LMLN: variants seen among roughly 807,000 people sequenced by gnomAD.
LMLN encodes the protein leishmanolysin like peptidase.
Under a neutral mutation model 92.3 loss-of-function variants are expected in LMLN, and 70 were observed. The ratio of observed to expected loss-of-function variants is 0.76; its 90% CI spans 0.63 to 0.92. The LOEUF is 0.92. LMLN is among the 40% of genes least tolerant of loss of function. The probability of loss-of-function intolerance (pLI) is 0.00; values close to 1 mark genes in which losing one functional copy is unlikely to be tolerated. For synonymous variants in LMLN, 308 were observed against 296.2 expected (o/e 1.04, Z -0.41); for missense variants, 691 against 814.6 (o/e 0.85, Z 1.85).
chr3:198,017,085 G>T (rs770707455), intron 11 of LMLN, among the ~76,000 whole-genome samples: 3 of 151,952 alleles, frequency 2.0e-5, no homozygotes, highest in Non-Finnish European at 4.4e-5. Flanking sequence ...TTGTGCCACT[G>T]CACTCCAGCC....
intron 11 of LMLN, among the ~76,000 whole-genome samples, chr3:198,015,909 C>A (rs992768871): frequency 2.0e-5 from 3 of 152,026 alleles, no homozygotes; most frequent in African/African-American, 4.8e-5. Flanking sequence ...AAAAAAAATT[C>A]CCCTGGTGGG....
intron 13 of LMLN, among the ~76,000 whole-genome samples, chr3:198,022,306 A>G (rs1056967921): frequency 6.6e-6 from 1 of 152,236 alleles, no homozygotes; most frequent in African/African-American, 2.4e-5. Flanking sequence ...ATTCTGCAAT[A>G]ATAGTTACAG....
intron 9 of LMLN, 33 bp downstream of exon 9, chr3:197,990,709 C>A: frequency 1.9e-6 from 2 of 1,049,538 alleles, no homozygotes; most frequent in South Asian, 1.3e-5. Context: ...TCTCATGAGC[C>A]ATCTGTTCTT....
chr3:198,020,061 A>G (rs1722739323), intron 12 of LMLN, among the ~76,000 whole-genome samples: 1 of 152,070 alleles, frequency 6.6e-6, no homozygotes, highest in Non-Finnish European at 1.5e-5. Context: ...GGGTTTCGCC[A>G]TGTTGCCCAA....
exon 1 of LMLN, chr3:197,960,418 A>G: frequency 6.2e-7 from 1 of 1,613,818 alleles, no homozygotes; most frequent in South Asian, 1.1e-5. Context: ...CCCTGCCGGC[A>G]CCACGTCCCC....
In LMLN at chr3:197,984,128, A is replaced by T. The variant is rs180714058; in HGVS notation, c.834+80A>T. 1.1e-5 allele frequency: 9 copies of T among 855,784 alleles called. No individual in the cohort carries two copies. In the East Asian group the frequency reaches 2.2e-4, roughly 21 times the overall value. The allele number at this position is 855,784 out of a possible 1,614,324, so 53.0% of individuals were successfully genotyped here. On this transcript the variant is annotated intron_variant, in intron 7 of 15. Coordinates refer to ENST00000330198, the Ensembl canonical transcript of LMLN. Reference sequence around the variant, plus strand: ...GTTCTCATTTTTATACATATATTCCACTTTAAGATGATGTGGATTCCTAGA... The same window carrying T: ...GTTCTCATTTTTATACATATATTCCTCTTTAAGATGATGTGGATTCCTAGA...
chr3:198,036,121 C>T, intron 15 of LMLN, 78 bp downstream of exon 16: 1 of 1,302,652 alleles, frequency 7.7e-7, no homozygotes, highest in South Asian at 1.2e-5. Context: ...TGGCATTTCC[C>T]TTCAAGGAAG....
intron 14 of LMLN, among the ~76,000 whole-genome samples, chr3:198,034,968 G>A (rs1450817485): frequency 6.6e-6 from 1 of 152,212 alleles, no homozygotes; most frequent in East Asian, 1.9e-4. Context: ...GCCAGGGTGG[G>A]TGGATAACTT....
intron 1 of LMLN, among the ~76,000 whole-genome samples, chr3:197,966,320 G>A (rs1581126536): frequency 6.6e-6 from 1 of 152,140 alleles, no homozygotes; most frequent in East Asian, 1.9e-4. Flanking sequence ...GGGATTACAG[G>A]CATGAGCCAC....
intron 1 of LMLN, among the ~76,000 whole-genome samples, chr3:197,962,429 C>A (rs937740834): frequency 6.6e-6 from 1 of 152,158 alleles, no homozygotes; most frequent in Non-Finnish European, 1.5e-5. Flanking sequence ...ATAAATAAAG[C>A]TGCTGTCAAT....
intron 14 of LMLN, among the ~76,000 whole-genome samples, chr3:198,027,809 G>T (rs1430272000): frequency 6.6e-6 from 1 of 152,110 alleles, no homozygotes. Flanking sequence ...TTGGAGTCTT[G>T]CTGCAGCGAA....
intron 11 of LMLN, chr3:197,999,654 C>T (rs769130970): frequency 2.4e-5 from 6 of 245,784 alleles, no homozygotes; most frequent in Middle Eastern, 1.4e-3. Context: ...CAGCTTCCTG[C>T]GTGGCTGGGA....
At chr3:197,988,706 G>A (rs1721782316) in intron 8 of LMLN, among the ~76,000 whole-genome samples, 1 of 151,616 alleles carries the variant, frequency 6.6e-6, no homozygotes, top group African/African-American at 2.4e-5. Context: ...TTTTGAGATG[G>A]AGTCTCACTC....
At chr3:198,028,262 G>A (rs766499597) in intron 14 of LMLN, among the ~76,000 whole-genome samples, 5 of 151,468 alleles carry the variant, frequency 3.3e-5, no homozygotes, top group East Asian at 1.9e-4. Context: ...TGGGTGTTTC[G>A]ATGAACCGAC....
chr3:197,973,354 G>A (rs1271423686), intron 1 of LMLN, among the ~76,000 whole-genome samples: 2 of 151,348 alleles, frequency 1.3e-5, no homozygotes, highest in Non-Finnish European at 2.9e-5. Context: ...CAATTCTCCT[G>A]CCTCACCCTC....
At chr3:198,000,384 A>G (rs752166767) in intron 11 of LMLN, among the ~76,000 whole-genome samples, 27 of 152,226 alleles carry the variant, frequency 1.8e-4, no homozygotes, top group Non-Finnish European at 3.1e-4. Context: ...CACTACCTTC[A>G]CTGTTGAGAG....
intron 5 of LMLN, among the ~76,000 whole-genome samples, chr3:197,977,821 AGTCTG>A (rs1721437978): frequency 6.6e-6 from 1 of 152,022 alleles, no homozygotes; most frequent in Non-Finnish European, 1.5e-5. Flanking sequence ...ATCATCAAAC[AGTCTG>A]GAAGTACACA....
intron 1 of LMLN, among the ~76,000 whole-genome samples, chr3:197,965,029 G>C (rs1012848379): frequency 2.7e-5 from 4 of 146,642 alleles, no homozygotes; most frequent in Admixed American, 2.7e-4. Context: ...AAAAAAGAAA[G>C]AAAGAGACAA....
At chr3:197,999,300 G>C in exon 11 of LMLN, 5 of 1,613,758 alleles carry the variant, frequency 3.1e-6, no homozygotes, top group Non-Finnish European at 4.2e-6. Context: ...ACTCAGAATC[G>C]AGTACTCTCT....
Sources: allele counts gnomAD v4.1 joint callset (sites outside exome capture counted in the v4.1 genomes callset), GRCh38; gene constraint gnomAD v4.1.1; transcripts MANE v1.5; gene names NCBI Gene and HGNC (gene_info 2026-07-23, HGNC 2026-07-21).